Variants in TSPAN11 observed in about 807,000 individuals in gnomAD.
The protein encoded by TSPAN11 is tetraspanin-11.
TSPAN11 carries 29 observed loss-of-function variants against 32.9 expected under a neutral mutation model. That is an observed-to-expected ratio of 0.88 (90% CI 0.66 to 1.20). TSPAN11 has a LOEUF of 1.20. Ranked by LOEUF, TSPAN11 falls within the 50% of genes most tolerant of loss-of-function variation. The probability of loss-of-function intolerance (pLI) is 0.00; values close to 1 mark genes in which losing one functional copy is unlikely to be tolerated. For missense variants in TSPAN11, 283 were observed against 329.1 expected, an observed-to-expected ratio of 0.86 and a Z score of 1.08; for synonymous variants, 140 against 141.3, an observed-to-expected ratio of 0.99 and a Z score of 0.07.
At chr12:30,950,207 C>A (rs1344697036) in intron 1 of TSPAN11, among the ~76,000 whole-genome samples, 1 of 152,044 alleles carries the variant, frequency 6.6e-6, no homozygotes, top group East Asian at 1.9e-4. Flanking sequence ...TCGCTCTTGA[C>A]TTGACCCCCT....
intron 1 of TSPAN11, among the ~76,000 whole-genome samples, chr12:30,930,963 A>T (rs1196617190): frequency 6.6e-6 from 1 of 152,160 alleles, no homozygotes; most frequent in Non-Finnish European, 1.5e-5. Context: ...CCCTGCTTAG[A>T]GGCTTAAGGA....
chr12:30,933,889 G>A (rs1013896216), intron 1 of TSPAN11, among the ~76,000 whole-genome samples: 2 of 152,126 alleles, frequency 1.3e-5, no homozygotes, highest in African/African-American at 4.8e-5. Context: ...ATGTCCTCTA[G>A]ACAGCCATGA....
In TSPAN11 at chr12:30,960,152, G is replaced by A. The variant is rs917553537; in HGVS notation, c.85-3674G>A. Among the ~76,000 whole-genome samples the A allele has an allele frequency of 5.9e-5, 9 of 151,530 alleles. No homozygotes were observed. In the East Asian group the frequency reaches 1.2e-3, roughly 20 times the overall value. On this transcript the variant is annotated intron_variant, in intron 2 of 7. Coordinates refer to ENST00000546076, the MANE Select transcript of TSPAN11 (RefSeq NM_001370302.1). ...TGGGTGGGTGGGTGGGTGATGGCGC[G>A]GCGCCATGTATGAGACTGAGCAGGG...
At chr12:30,974,554 G>C (rs776077708) in intron 3 of TSPAN11, among the ~76,000 whole-genome samples, 1 of 152,228 alleles carries the variant, frequency 6.6e-6, no homozygotes, top group Non-Finnish European at 1.5e-5. Context: ...AGTTTCTGCT[G>C]TCTCATAGGT....
intron 1 of TSPAN11, among the ~76,000 whole-genome samples, chr12:30,952,042 T>C (rs1275164962): frequency 6.6e-6 from 1 of 152,256 alleles, no homozygotes; most frequent in East Asian, 1.9e-4. Flanking sequence ...TTAGAATGGT[T>C]TCTTTTCCTT....
At chr12:30,946,808 C>G (rs1938277582) in intron 1 of TSPAN11, among the ~76,000 whole-genome samples, 1 of 152,176 alleles carries the variant, frequency 6.6e-6, no homozygotes, top group Non-Finnish European at 1.5e-5. Context: ...GGTGGGGGGT[C>G]TGGGGGTACA....
intron 2 of TSPAN11, among the ~76,000 whole-genome samples, chr12:30,963,519 C>G (rs1938656576): frequency 6.6e-6 from 1 of 152,140 alleles, no homozygotes; most frequent in South Asian, 2.1e-4. Context: ...GTTGATCATC[C>G]CTGAAACTGC....
At chr12:30,977,791 G>A (rs1033940100) in intron 3 of TSPAN11, among the ~76,000 whole-genome samples, 23 of 152,288 alleles carry the variant, frequency 1.5e-4, no homozygotes, top group African/African-American at 5.1e-4. Flanking sequence ...CACACTGAAT[G>A]CACGGCTGGG....
intron 2 of TSPAN11, among the ~76,000 whole-genome samples, chr12:30,960,675 C>T (rs894869484): frequency 9.9e-5 from 15 of 152,098 alleles, no homozygotes; most frequent in South Asian, 8.3e-4. Context: ...GGCCAGCTTG[C>T]ATCCTTGTCG....
chr12:30,950,028 T>C (rs1938350154), intron 1 of TSPAN11, among the ~76,000 whole-genome samples: 1 of 152,048 alleles, frequency 6.6e-6, no homozygotes, highest in Non-Finnish European at 1.5e-5. Flanking sequence ...CCCTGCCTCT[T>C]ACACACACTG....
chr12:31,010,226 A>G, the TSPAN11 span, among the ~76,000 whole-genome samples: 1 of 152,160 alleles, frequency 6.6e-6, no homozygotes, highest in Admixed American at 6.5e-5. Flanking sequence ...CAGAGGTGTG[A>G]CTTGCTCAGG....
At chr12:30,950,164 G>A (rs1453392369) in intron 1 of TSPAN11, among the ~76,000 whole-genome samples, 2 of 151,754 alleles carry the variant, frequency 1.3e-5, no homozygotes, top group Non-Finnish European at 2.9e-5. Flanking sequence ...CCTTCAGGAT[G>A]TGAATCCTAG....
intron 1 of TSPAN11, among the ~76,000 whole-genome samples, chr12:30,946,379 A>G (rs992825207): frequency 1.3e-5 from 2 of 152,226 alleles, no homozygotes; most frequent in Non-Finnish European, 2.9e-5. Flanking sequence ...GAACCACTCT[A>G]CTGATAGCTG....
intron 2 of TSPAN11, among the ~76,000 whole-genome samples, chr12:30,962,709 A>G (rs1252545837): frequency 6.6e-6 from 1 of 152,140 alleles, no homozygotes; most frequent in Non-Finnish European, 1.5e-5. Context: ...GACCACGCCC[A>G]GGACTCCTTG....
intron 3 of TSPAN11, among the ~76,000 whole-genome samples, chr12:30,977,269 G>T (rs769373237): frequency 4.0e-4 from 61 of 152,232 alleles, no homozygotes; most frequent in Non-Finnish European, 6.8e-4. Context: ...GAAATGCTCT[G>T]TCTATCCTGG....
At chr12:30,926,886 C>A in intron 1 of TSPAN11, 90 bp downstream of exon 1, 2 of 1,227,016 alleles carry the variant, frequency 1.6e-6, no homozygotes, top group Non-Finnish European at 2.1e-6. Flanking sequence ...CTGCCCGCCC[C>A]GCCGGCAGTC....
intron 1 of TSPAN11, among the ~76,000 whole-genome samples, chr12:30,940,310 C>A (rs1031558103): frequency 1.3e-5 from 2 of 152,090 alleles, no homozygotes; most frequent in Admixed American, 6.6e-5. Context: ...GCATTCCTTC[C>A]TTCATTCATT....
At chr12:30,978,161 C>G (rs1025388839) in intron 3 of TSPAN11, 14 of 182,766 alleles carry the variant, frequency 7.7e-5, no homozygotes, top group Admixed American at 2.9e-4. Flanking sequence ...GAAGCCTTCT[C>G]TGACTGCCCA....
chr12:30,982,748 A>G (rs1382693515), intron 6 of TSPAN11, 58 bp downstream of exon 6: 1 of 1,503,548 alleles, frequency 6.7e-7, no homozygotes, highest in Non-Finnish European at 8.9e-7. Flanking sequence ...GCCGTTCAGG[A>G]GCCCCAGAAA....
Sources: gnomAD v4.1 joint callset for allele counts (sites outside exome capture counted in the v4.1 genomes callset) on GRCh38, gnomAD v4.1.1 for gene constraint, MANE v1.5 for transcripts, NCBI Gene and HGNC (gene_info 2026-07-23, HGNC 2026-07-21) for gene names.